The following ITGB8 variants were observed in gnomAD, a reference collection of about 807,000 sequenced individuals.
The protein encoded by ITGB8 is integrin beta-8.
ITGB8 carries 30 observed loss-of-function variants against 89.5 expected under a neutral mutation model. The observed-to-expected ratio is 0.34, with a 90% confidence interval of 0.25 to 0.45. The LOEUF is 0.45. ITGB8 is among the 20% of genes least tolerant of loss of function. The pLI is 1.00. For synonymous variants in ITGB8, 335 were observed against 320.4 expected (o/e 1.05, Z -0.49); for missense variants, 836 against 933.3 (o/e 0.90, Z 1.36).
chr7:20,403,024 T>C (rs2127983676), intron 10 of ITGB8, among the ~76,000 whole-genome samples: 1 of 152,328 alleles, frequency 6.6e-6, no homozygotes, highest in East Asian at 1.9e-4. Context: ...TATTGACGAA[T>C]GGAAACGTCA....
intron 1 of ITGB8, chr7:20,353,438 C>A (rs1785177078): frequency 6.6e-6 from 1 of 152,082 alleles, no homozygotes; most frequent in African/African-American, 2.4e-5. Context: ...GGATACTCAC[C>A]TTTCAAGGGA....
chr7:20,374,487 T>TA (rs11452686), intron 3 of ITGB8, among the ~76,000 whole-genome samples: 83,671 of 141,330 alleles, frequency 0.59, 25,242 homozygotes, highest in East Asian at 0.98. Context: ...TCTTAGCTGC[T>TA]AAAAAAAAAA....
intron 1 of ITGB8, among the ~76,000 whole-genome samples, chr7:20,346,271 A>G (rs1784920095): frequency 6.6e-6 from 1 of 152,208 alleles, no homozygotes. Context: ...AAGCAAGACA[A>G]GAGAACATTC....
At chr7:20,348,490 C>A (rs577448717) in intron 1 of ITGB8, among the ~76,000 whole-genome samples, 1 of 152,302 alleles carries the variant, frequency 6.6e-6, no homozygotes, top group South Asian at 2.1e-4. Flanking sequence ...TTCTGCTTCT[C>A]TTTGGTTTTT....
chr7:20,345,445 G>C (rs1316269916), intron 1 of ITGB8, among the ~76,000 whole-genome samples: 16 of 151,974 alleles, frequency 1.1e-4, no homozygotes, highest in Non-Finnish European at 2.4e-4. Context: ...GGTGGTAAGT[G>C]CTATGGGGAA....
intron 1 of ITGB8, among the ~76,000 whole-genome samples, chr7:20,341,059 G>A (rs1221870068): frequency 6.6e-6 from 1 of 152,206 alleles, no homozygotes; most frequent in Admixed American, 6.5e-5. Flanking sequence ...AGGACTTGCT[G>A]TAGAACTGGC....
intron 6 of ITGB8, 32 bp from the exon 7 acceptor site, chr7:20,391,371 C>A (rs757386626): frequency 8.2e-7 from 1 of 1,221,036 alleles, no homozygotes; most frequent in Non-Finnish European, 1.2e-6. Flanking sequence ...TATGAAATTT[C>A]ATTCCCTTAT....
At chr7:20,370,910 G>A (rs549565122) in intron 3 of ITGB8, among the ~76,000 whole-genome samples, 128 of 152,168 alleles carry the variant, frequency 8.4e-4, no homozygotes, top group African/African-American at 3.0e-3. Context: ...CATCGAGCCC[G>A]GCCTAAACTC....
At chr7:20,349,081 T>C (rs535001313) in intron 1 of ITGB8, among the ~76,000 whole-genome samples, 1 of 152,266 alleles carries the variant, frequency 6.6e-6, no homozygotes, top group Non-Finnish European at 1.5e-5. Context: ...CGAATGTTAA[T>C]TGAAAATTAT....
chr7:20,334,611 A>G (rs1009463520), intron 1 of ITGB8, among the ~76,000 whole-genome samples: 4 of 152,206 alleles, frequency 2.6e-5, no homozygotes, highest in African/African-American at 2.4e-5. Flanking sequence ...GTTGCATAGC[A>G]TAAGTGTTCC....
intron 9 of ITGB8, among the ~76,000 whole-genome samples, chr7:20,399,297 T>C (rs1330066322): frequency 6.6e-6 from 1 of 152,096 alleles, no homozygotes; most frequent in African/African-American, 2.4e-5. Flanking sequence ...AATTAGGAAA[T>C]CACATATTCT....
At position 20,404,836 on chromosome 7, in the gene ITGB8, A is replaced by G; in HGVS notation, c.1896A>G (p.Thr632=). Residue 632 remains threonine, a synonymous_variant, in exon 11 of 14, where the codon ACA becomes ACG. Coordinates refer to ENST00000222573, the MANE Select transcript of ITGB8 (RefSeq NM_002214.3). ...RFCEHCPTCY[T]ACKENWNCMQ... ...GTGAACACTGCCCCACCTGTTATAC[A>G]GCCTGCAAGGAAAACTGGTATGATT... 6.2e-7 allele frequency: 1 copy of G among 1,614,164 alleles called. No individual in the cohort carries two copies. Among genetic ancestry groups the G allele is most frequent in the Non-Finnish European group, 8.5e-7 (1 of 1,179,972 alleles).
chr7:20,356,281 ATGCCAATGTAT>A (rs1162205305), intron 1 of ITGB8, among the ~76,000 whole-genome samples: 1 of 152,224 alleles, frequency 6.6e-6, no homozygotes, highest in Non-Finnish European at 1.5e-5. Flanking sequence ...AGTGATTAGA[ATGCCAATGTAT>A]TTATTTGTTT....
chr7:20,382,043 T>C, intron 6 of ITGB8, 158 bp downstream of exon 6: 1 of 548,060 alleles, frequency 1.8e-6, no homozygotes, highest in South Asian at 3.1e-5. Flanking sequence ...CAGTGCAATC[T>C]ATAAATACTG....
At chr7:20,391,571 C>T in intron 7 of ITGB8, 73 bp downstream of exon 7, 1 of 694,868 alleles carries the variant, frequency 1.4e-6, no homozygotes. Flanking sequence ...TTCTTTAGAA[C>T]CACAGATAAG....
chr7:20,390,382 G>C (rs930126134), intron 6 of ITGB8, among the ~76,000 whole-genome samples: 1 of 152,046 alleles, frequency 6.6e-6, no homozygotes, highest in African/African-American at 2.4e-5. Context: ...ATTTCTAGAA[G>C]AGTATTTATA....
chr7:20,402,151 C>G lies in ITGB8; in HGVS notation c.1687+25C>G, dbSNP rs748825093. The G allele has an allele frequency of 3.2e-6, 5 of 1,556,486 alleles. No homozygotes were observed. In the East Asian group the frequency reaches 1.1e-4, roughly 35 times the overall value. On this transcript the variant is annotated intron_variant, in intron 10 of 13. Coordinates refer to ENST00000222573, the MANE Select transcript of ITGB8 (RefSeq NM_002214.3). ...GGTGAGTATAAATATATACAGGCAG[C>G]TTTTACTTGTCACTATTACACCAGC...
chr7:20,381,058 G>T, intron 5 of ITGB8: 1 of 425,592 alleles, frequency 2.3e-6, no homozygotes, highest in South Asian at 4.4e-5. Flanking sequence ...GAAAGAATAG[G>T]TTATGAACGC....
intron 1 of ITGB8, among the ~76,000 whole-genome samples, chr7:20,348,633 G>T (rs1274040770): frequency 6.6e-6 from 1 of 152,198 alleles, no homozygotes; most frequent in African/African-American, 2.4e-5. Context: ...AGGTGTTGGG[G>T]GTGACTTGGG....
Sources: allele counts gnomAD v4.1 joint callset (sites outside exome capture counted in the v4.1 genomes callset), GRCh38; gene constraint gnomAD v4.1.1; transcripts MANE v1.5; gene names NCBI Gene and HGNC (gene_info 2026-07-23, HGNC 2026-07-21).